Variants in HEATR4 observed in about 807,000 individuals in gnomAD.
HEATR4 encodes the protein HEAT repeat containing 4.
A neutral mutation model predicts 108.8 loss-of-function variants in HEATR4; 95 were observed. The observed-to-expected ratio is 0.87, with a 90% CI of 0.74 to 1.04. The LOEUF (loss-of-function observed/expected upper bound fraction) is 1.04, where lower values mean the gene tolerates loss of function less well. HEATR4 is among the 50% of genes least tolerant of loss of function. The pLI is 0.00. For missense variants in HEATR4, 1,152 were observed against 1,253.8 expected, an observed-to-expected ratio of 0.92 and a Z score of 1.23; for synonymous variants, 443 against 459.4, an observed-to-expected ratio of 0.96 and a Z score of 0.46.
At chr14:73,568,621 CAAAAT>C in the HEATR4 span, among the ~76,000 whole-genome samples, 1 of 151,622 alleles carries the variant, frequency 6.6e-6, no homozygotes, top group African/African-American at 2.4e-5. Context: ...ACCAGTAAAA[CAAAAT>C]AATAACTATT....
chr14:73,633,044 C>G, the HEATR4 span, among the ~76,000 whole-genome samples: 7 of 143,562 alleles, frequency 4.9e-5, no homozygotes, highest in Admixed American at 4.9e-4. Flanking sequence ...TCATTCTGTC[C>G]CCCAAGCTGG....
At chr14:73,495,427 C>G in intron 15 of HEATR4, 40 bp from the exon 16 acceptor site, 1 of 1,540,300 alleles carries the variant, frequency 6.5e-7, no homozygotes, top group South Asian at 1.1e-5. Context: ...CAAAACAAAA[C>G]ACCTGTACTA....
At chr14:73,495,076 AAGACTGAGTGGATGGT>A in intron 16 of HEATR4, 136 bp downstream of exon 16, 2 of 582,764 alleles carry the variant, frequency 3.4e-6, no homozygotes, top group Non-Finnish European at 5.9e-6. Flanking sequence ...AAAAAACACA[AAGACTGAGTGGATGGT>A]AGCCAAGAGG....
At chr14:73,478,929 A>C in intron 17 of HEATR4, 87 bp from the exon 18 acceptor site, 1 of 964,760 alleles carries the variant, frequency 1.0e-6, no homozygotes, top group Non-Finnish European at 1.6e-6. Flanking sequence ...CTTTGGCTAT[A>C]GGGTGTCTCC....
At chr14:73,530,284 C>T (rs1888625432) in intron 1 of HEATR4, 40 bp from the exon 2 acceptor site, 1 of 144,240 alleles carries the variant, frequency 6.9e-6, no homozygotes, top group African/African-American at 2.5e-5. Flanking sequence ...ACATCAGACT[C>T]TTGTGTCCTA....
rs1405334700 is a variant in HEATR4, at chr14:73,555,102, G to A, written c.-152+3649C>T. ...ATGTAAAAATTTATTTAAAGAAATA[G>A]TAACAGAGAACTTTCTAAAACTAGA... On this transcript the variant is annotated intron_variant, in intron 1 of 17. Coordinates refer to ENST00000553558, the MANE Select transcript of HEATR4 (RefSeq NM_001220484.1). Among the ~76,000 whole-genome samples, 4 of 113,458 alleles carry A rather than the reference G, an allele frequency of 3.5e-5. 2 individuals carry two copies. The highest frequency in any genetic ancestry group is 7.7e-5 in the Non-Finnish European group (4 of 51,976). The allele number at this position is 113,458 out of a possible 152,430, so 74.4% of individuals were successfully genotyped here. A position where few individuals can be genotyped will look rare whatever the true frequency, so the allele number is the denominator to read the frequency against.
chr14:73,569,987 C>T, the HEATR4 span: 16 of 1,451,172 alleles, frequency 1.1e-5, no homozygotes, highest in Admixed American at 2.4e-5. Flanking sequence ...CGCCGCGCCC[C>T]CGGGCTATAT....
chr14:73,527,969 A>G (rs1276977831), intron 2 of HEATR4, among the ~76,000 whole-genome samples: 2 of 149,000 alleles, frequency 1.3e-5, no homozygotes, highest in African/African-American at 5.0e-5. Context: ...CTCAAAAAAA[A>G]AAAAAAAAAA....
At position 73,498,345 on chromosome 14, in the gene HEATR4, C is replaced by G; in HGVS notation, c.2357-1G>C. The G allele has an allele frequency of 6.3e-7, 1 of 1,591,402 alleles. No individual in the cohort carries two copies. Among genetic ancestry groups the G allele is most frequent in the Non-Finnish European group, 8.6e-7 (1 of 1,164,074 alleles). On this transcript the variant is annotated splice_acceptor_variant, in intron 13 of 17. Coordinates refer to ENST00000553558, the MANE Select transcript of HEATR4 (RefSeq NM_001220484.1). LOFTEE classifies it high-confidence loss of function. ...CTTACTTGCCCAATCTGTCCCAAAGCTGCAGAGATTAGAGGGCAGCATGTC... is the reference window on the plus strand; with the variant it reads ...CTTACTTGCCCAATCTGTCCCAAAGGTGCAGAGATTAGAGGGCAGCATGTC...
the HEATR4 span, chr14:73,619,117 G>A: frequency 1.9e-5 from 25 of 1,326,736 alleles, no homozygotes; most frequent in Admixed American, 2.5e-5. Flanking sequence ...GTGACAGAGC[G>A]AGACTCCATC....
the HEATR4 span, among the ~76,000 whole-genome samples, chr14:73,563,978 G>A: frequency 2.8e-4 from 42 of 151,688 alleles, 1 homozygote; most frequent in Non-Finnish European, 7.4e-5. Flanking sequence ...TCCAACCTGG[G>A]TGACAGAGTA....
chr14:73,488,492 G>A (rs949974881), intron 17 of HEATR4, among the ~76,000 whole-genome samples: 3 of 151,872 alleles, frequency 2.0e-5, no homozygotes, highest in East Asian at 1.9e-4. Context: ...GGATGGTCTT[G>A]ATCTCCTGAC....
intron 9 of HEATR4, among the ~76,000 whole-genome samples, chr14:73,506,804 G>GTTTTTTTTTTTTTTGTTTTTTTTTTT (rs1268314395): frequency 1.1e-4 from 9 of 80,492 alleles, no homozygotes; most frequent in African/African-American, 4.4e-4. Flanking sequence ...GACTTTAACT[G>GTTTTTTTTTTTTTTGTTTTTTTTTTT]TTTTTTTTTT....
rs1287102968 is a variant in HEATR4, at chr14:73,522,907, G to C, written c.246C>G (p.Gly82=). 3 of 1,614,180 alleles carry C rather than the reference G, an allele frequency of 1.9e-6. No homozygotes were observed. In the South Asian group the frequency reaches 3.3e-5, roughly 18 times the overall value. Residue 82 remains glycine, a synonymous_variant, in exon 3 of 18, where the codon GGC becomes GGG. Transcript: ENST00000553558. The part of the protein sequence containing the change: ...TFSQEVVWQR[G]LPSIPYSQYS... ...ACTGGCTATAAGGAATGCTGGGCAG[G>C]CCTCGCTGCCACACCACCTCCTGAG...
intron 2 of HEATR4, among the ~76,000 whole-genome samples, chr14:73,526,914 C>T (rs1888376082): frequency 6.6e-6 from 1 of 152,180 alleles, no homozygotes; most frequent in South Asian, 2.1e-4. Flanking sequence ...CACCCTTCCC[C>T]CCAACTCCAG....
chr14:73,507,420 A>G (rs1158370621), intron 9 of HEATR4, among the ~76,000 whole-genome samples: 1 of 152,064 alleles, frequency 6.6e-6, no homozygotes, highest in East Asian at 1.9e-4. Context: ...GCTGCATTTT[A>G]TCTAATTAAT....
rs1325492745 is a variant in HEATR4 at position 73,547,932 on chromosome 14, G to GTTGTTT, written c.-152+10813_-152+10818dup. Among the ~76,000 whole-genome samples, 2 of 114,064 alleles carry GTTGTTT rather than the reference G, an allele frequency of 1.8e-5. 1 individual carries two copies. The highest frequency in any genetic ancestry group is 1.4e-3 in the East Asian group (2 of 1,438). 74.8% of individuals were successfully genotyped at this position (114,064 alleles called of 152,430 possible). On this transcript the variant is annotated intron_variant, in intron 1 of 17. Transcript: ENST00000553558. ...GTGTACAAAGAGATGGTTGTGGCGGGTTGTTTTTGTTTTTGTTTTAAGAGA... is the reference window on the plus strand; with the variant it reads ...GTGTACAAAGAGATGGTTGTGGCGGGTTGTTTTTGTTTTTGTTTTTGTTTTAAGAGA...
At position 73,498,304 on chromosome 14, in the gene HEATR4, A is replaced by C; in HGVS notation, c.2397T>G (p.Asp799Glu). Reference sequence around the variant, plus strand: ...CATAGTGGATAGCCCAGAGCAGAAGATCCGTCAGCTCGGGACTTACTTGCC... The same window carrying C: ...CATAGTGGATAGCCCAGAGCAGAAGCTCCGTCAGCTCGGGACTTACTTGCC... ...QIGQVSPELT[D>E]LLLWAIHYEE... Residue 799 changes from aspartate (D) to glutamate (E), a missense_variant, in exon 14 of 18, where the codon GAT (aspartate) becomes GAG (glutamate). Physicochemically the swap from Asp to Glu is conservative, Grantham distance 45. Transcript: ENST00000553558. 6.2e-7 allele frequency: 1 copy of C among 1,611,644 alleles called. No individual in the cohort carries two copies. The highest frequency in any genetic ancestry group is 8.5e-7 in the Non-Finnish European group (1 of 1,178,260).
At chr14:73,630,354 T>C in the HEATR4 span, among the ~76,000 whole-genome samples, 7 of 152,230 alleles carry the variant, frequency 4.6e-5, no homozygotes, top group African/African-American at 1.2e-4. Context: ...CAGCAAGCCT[T>C]TGTTTCTTTG....
Sources: gnomAD v4.1 joint callset for allele counts (sites outside exome capture counted in the v4.1 genomes callset) on GRCh38, gnomAD v4.1.1 for gene constraint, MANE v1.5 for transcripts, NCBI Gene and HGNC (gene_info 2026-07-23, HGNC 2026-07-21) for gene names.